The following FDFT1 variants were observed in gnomAD, a reference collection of about 807,000 sequenced individuals.
The protein encoded by FDFT1 is farnesyl-diphosphate farnesyltransferase 1, also known as squalene synthase.
FDFT1 carries 68 observed loss-of-function variants against 46.8 expected under a neutral mutation model. The observed-to-expected ratio is 1.45, with a 90% CI of 1.19 to 1.78. The LOEUF is 1.78. Ranked by LOEUF, FDFT1 falls within the 40% of genes most tolerant of loss-of-function variation. FDFT1 has a pLI of 0.00. For missense variants in FDFT1, 928 were observed against 524.4 expected (o/e 1.77, Z -7.52); for synonymous variants, 351 against 185.1 (o/e 1.90, Z -7.28).
At chr8:11,802,287 C>T, upstream of FDFT1, 1 of 386,380 alleles carries the variant, frequency 2.6e-6, no homozygotes, top group Non-Finnish European at 5.2e-6. Flanking sequence ...CAGAGCTCAC[C>T]CGGCTGGCAG....
At chr8:11,832,551 C>CAAAAAAAAAAAAAAAAAAAAAAAAA (rs531759815) in intron 7 of FDFT1, among the ~76,000 whole-genome samples, 8 of 36,374 alleles carry the variant, frequency 2.2e-4, no homozygotes, top group Non-Finnish European at 3.3e-4. Context: ...GACTTTGTCT[C>CAAAAAAAAAAAAAAAAAAAAAAAAA]AAAAAAAAAA....
intron 1 of FDFT1, among the ~76,000 whole-genome samples, chr8:11,805,471 C>A (rs1342934436): frequency 3.3e-5 from 5 of 152,178 alleles, no homozygotes; most frequent in Non-Finnish European, 7.3e-5. Context: ...CAATCTAAAT[C>A]CTGTTATTTA....
intron 4 of FDFT1, among the ~76,000 whole-genome samples, chr8:11,823,909 A>T (rs1809601562): frequency 6.6e-6 from 1 of 152,014 alleles, no homozygotes; most frequent in Non-Finnish European, 1.5e-5. Flanking sequence ...ACACCAGGCT[A>T]ATTTTTGTAA....
intron 1 of FDFT1, among the ~76,000 whole-genome samples, chr8:11,807,361 C>T (rs933250370): frequency 6.6e-6 from 1 of 152,066 alleles, no homozygotes; most frequent in Non-Finnish European, 1.5e-5. Flanking sequence ...CGAGGTCTCA[C>T]TATGTTGCCC....
At chr8:11,802,222 C>T (rs1441120142), upstream of FDFT1, 8 of 394,778 alleles carry the variant, frequency 2.0e-5, 1 homozygote, top group South Asian at 5.6e-5. Context: ...TAAAGACGCC[C>T]AGCTTGGCGC....
chr8:11,830,392 G>C lies in FDFT1; in HGVS notation c.851G>C (p.Ser284Thr). The C allele has an allele frequency of 6.2e-7, 1 of 1,613,748 alleles. No homozygotes were observed. The highest frequency in any genetic ancestry group is 8.5e-7 in the Non-Finnish European group (1 of 1,179,798). Reference sequence around the variant, plus strand: ...TACCTTTCGAGACTCAGAAACCAGAGTGTGTTTAACTTCTGTGCTATTCCA... The same window carrying C: ...TACCTTTCGAGACTCAGAAACCAGACTGTGTTTAACTTCTGTGCTATTCCA... ...ITYLSRLRNQ[S>T]VFNFCAIPQV... Residue 284 changes from serine (S) to threonine (T), a missense_variant, in exon 6 of 8, where the codon AGT becomes ACT. By Grantham distance (58) the Ser-to-Thr change is moderately conservative. Coordinates refer to ENST00000220584, the MANE Select transcript of FDFT1 (RefSeq NM_004462.5).
At chr8:11,798,509 C>T (rs1235278648), upstream of FDFT1, among the ~76,000 whole-genome samples, 1 of 152,220 alleles carries the variant, frequency 6.6e-6, no homozygotes, top group African/African-American at 2.4e-5. Context: ...TTTTCTTGGA[C>T]TCCACAGGAC....
intron 3 of FDFT1, among the ~76,000 whole-genome samples, chr8:11,814,509 A>C (rs764147726): frequency 2.6e-5 from 4 of 152,150 alleles, no homozygotes; most frequent in African/African-American, 7.2e-5. Context: ...TGTTTAACCA[A>C]ATCTCTTCAC....
At chr8:11,804,676 A>G (rs1183642290) in intron 1 of FDFT1, among the ~76,000 whole-genome samples, 2 of 131,824 alleles carry the variant, frequency 1.5e-5, no homozygotes, top group African/African-American at 5.8e-5. Flanking sequence ...GCGGGACCTC[A>G]GCTAGATGCA....
chr8:11,826,173 T>A lies in FDFT1; in HGVS notation c.660T>A (p.Tyr220Ter). The A allele has an allele frequency of 6.3e-7, 1 of 1,591,102 alleles. No individual in the cohort carries two copies. Among genetic ancestry groups the A allele is most frequent in the Non-Finnish European group, 8.6e-7 (1 of 1,163,026 alleles). Residue 220 changes from tyrosine (Y) to a stop codon, truncating the protein, a stop_gained, in exon 5 of 8, where the codon TAT becomes TAA. Coordinates refer to ENST00000220584, the MANE Select transcript of FDFT1 (RefSeq NM_004462.5). LOFTEE classifies it high-confidence loss of function. ...AGAAAACAAACATCATCCGTGACTATCTGGAAGACCAGCAAGGAGGAAGAG... is the reference window on the plus strand; with the variant it reads ...AGAAAACAAACATCATCCGTGACTAACTGGAAGACCAGCAAGGAGGAAGAG... ...FLQKTNIIRD[Y>*]LEDQQGGREF...
intron 5 of FDFT1, 87 bp downstream of exon 5, chr8:11,826,302 A>C: frequency 2.8e-6 from 3 of 1,079,772 alleles, no homozygotes; most frequent in Non-Finnish European, 4.0e-6. Flanking sequence ...GGTGACAGAA[A>C]AACAAGTCAG....
chr8:11,804,600 C>CTTTTTTTTTTTTTTTTTT (rs5889385), intron 1 of FDFT1, among the ~76,000 whole-genome samples: 1 of 97,362 alleles, frequency 1.0e-5, no homozygotes, highest in Non-Finnish European at 1.9e-5. Flanking sequence ...CTTAGTTTCT[C>CTTTTTTTTTTTTTTTTTT]TTTTTTTTTT....
At chr8:11,798,837 C>T (rs533513267), upstream of FDFT1, among the ~76,000 whole-genome samples, 50 of 152,244 alleles carry the variant, frequency 3.3e-4, 1 homozygote, top group African/African-American at 1.1e-3. Flanking sequence ...CGTCACTGAG[C>T]TTAGATTTCT....
At chr8:11,836,736 C>A (rs184794453) in intron 7 of FDFT1, among the ~76,000 whole-genome samples, 1 of 152,328 alleles carries the variant, frequency 6.6e-6, no homozygotes, top group African/African-American at 2.4e-5. Context: ...TTTATGGATG[C>A]TTGTATTGAA....
At chr8:11,799,715 A>C (rs553580738), upstream of FDFT1, among the ~76,000 whole-genome samples, 1 of 151,900 alleles carries the variant, frequency 6.6e-6, no homozygotes, top group South Asian at 2.1e-4. Context: ...GGGGAGGCTG[A>C]GGCGGGCGGA....
intron 1 of FDFT1, among the ~76,000 whole-genome samples, chr8:11,807,422 C>T (rs117522355): frequency 0.011 from 1,748 of 152,284 alleles, 48 homozygotes; most frequent in Admixed American, 0.054. Context: ...CTTGGCCTTC[C>T]GAAGTGCAGG....
intron 1 of FDFT1, chr8:11,796,131 C>T (rs951713614): frequency 5.9e-5 from 9 of 152,200 alleles, no homozygotes; most frequent in African/African-American, 1.2e-4. Flanking sequence ...TTCTTAAATG[C>T]CTCCTAAATG....
intron 5 of FDFT1, among the ~76,000 whole-genome samples, chr8:11,828,528 C>G (rs973948688): frequency 2.0e-5 from 3 of 152,224 alleles, no homozygotes; most frequent in Admixed American, 2.0e-4. Context: ...CAGCCCCTGA[C>G]CACTGTTCCA....
At chr8:11,827,092 A>G (rs1585973094) in intron 5 of FDFT1, among the ~76,000 whole-genome samples, 1 of 152,204 alleles carries the variant, frequency 6.6e-6, no homozygotes, top group East Asian at 1.9e-4. Context: ...AAAGTAGAAA[A>G]TTTTATGACT....
Sources: allele counts gnomAD v4.1 joint callset (sites outside exome capture counted in the v4.1 genomes callset), GRCh38; gene constraint gnomAD v4.1.1; transcripts MANE v1.5; gene names NCBI Gene and HGNC (gene_info 2026-07-23, HGNC 2026-07-21).